NPAS3: variants seen among roughly 807,000 people sequenced by gnomAD.
NPAS3 encodes neuronal PAS domain protein 3.
In NPAS3, 14 loss-of-function variants were observed where a neutral mutation model predicts 73.1. The ratio of observed to expected loss-of-function variants is 0.19; its 90% CI spans 0.13 to 0.30. NPAS3 has a LOEUF of 0.30. Ranked by LOEUF, NPAS3 falls within the 10% of genes least tolerant of loss-of-function variation. The probability of loss-of-function intolerance (pLI) is 1.00; values close to 1 mark genes in which losing one functional copy is unlikely to be tolerated. For missense variants in NPAS3, 1,096 were observed against 1,250.0 expected, an observed-to-expected ratio of 0.88 and a Z score of 1.86; for synonymous variants, 620 against 541.5, an observed-to-expected ratio of 1.14 and a Z score of -2.01.
intron 3 of NPAS3, among the ~76,000 whole-genome samples, chr14:33,359,645 C>T (rs1298193029): frequency 6.6e-6 from 1 of 152,134 alleles, no homozygotes; most frequent in Non-Finnish European, 1.5e-5. Context: ...AAATCTAACC[C>T]TTATTAAAAA....
intron 1 of NPAS3, among the ~76,000 whole-genome samples, chr14:32,945,633 C>G (rs975058319): frequency 1.3e-5 from 2 of 152,264 alleles, no homozygotes; most frequent in African/African-American, 4.8e-5. Context: ...TTCAGACTTT[C>G]CAAACTCAGA....
chr14:33,082,378 C>T (rs1453761394), intron 2 of NPAS3, among the ~76,000 whole-genome samples: 1 of 152,162 alleles, frequency 6.6e-6, no homozygotes, highest in Admixed American at 6.5e-5. Context: ...TTTGAAAATT[C>T]AGGTTTTCTG....
intron 6 of NPAS3, among the ~76,000 whole-genome samples, chr14:33,689,703 C>A (rs1452522556): frequency 6.6e-6 from 1 of 152,158 alleles, no homozygotes; most frequent in Non-Finnish European, 1.5e-5. Context: ...TGATAATTTA[C>A]CTCTCCCTAA....
chr14:33,128,707 C>G (rs2043523764), intron 2 of NPAS3, among the ~76,000 whole-genome samples: 1 of 152,094 alleles, frequency 6.6e-6, no homozygotes, highest in Non-Finnish European at 1.5e-5. Context: ...ATACTCAATA[C>G]ATATTTGAAA....
At chr14:32,977,114 C>T (rs918638946) in intron 1 of NPAS3, among the ~76,000 whole-genome samples, 1 of 143,656 alleles carries the variant, frequency 7.0e-6, no homozygotes, top group Non-Finnish European at 1.5e-5. Context: ...TTAAAAGATA[C>T]TTTTAGATTG....
chr14:33,333,616 A>C (rs1217885330), intron 3 of NPAS3, among the ~76,000 whole-genome samples: 3 of 152,172 alleles, frequency 2.0e-5, no homozygotes. Flanking sequence ...CATTGCATTT[A>C]GTATGGAAGA....
chr14:33,464,225 A>G (rs1370799197), intron 4 of NPAS3, among the ~76,000 whole-genome samples: 2 of 152,146 alleles, frequency 1.3e-5, no homozygotes, highest in Non-Finnish European at 2.9e-5. Context: ...ACAAATCTAC[A>G]TGTTGGCCCC....
intron 3 of NPAS3, among the ~76,000 whole-genome samples, chr14:33,339,633 T>C (rs1421127483): frequency 6.6e-6 from 1 of 152,192 alleles, no homozygotes; most frequent in Non-Finnish European, 1.5e-5. Flanking sequence ...AGAAAAAGTA[T>C]GGATGGCTGC....
exon 9 of NPAS3, chr14:33,778,503 G>A (rs184170938): frequency 2.7e-4 from 430 of 1,613,722 alleles, no homozygotes; most frequent in Non-Finnish European, 3.3e-4. Flanking sequence ...TGTAGATATC[G>A]TAGGGAAGAG....
At chr14:33,399,085 C>T (rs538022661) in intron 4 of NPAS3, among the ~76,000 whole-genome samples, 2 of 152,100 alleles carry the variant, frequency 1.3e-5, no homozygotes, top group East Asian at 3.9e-4. Flanking sequence ...GTTATGAACC[C>T]AAAGGACACA....
At chr14:33,081,655 A>G (rs2041867206) in intron 2 of NPAS3, among the ~76,000 whole-genome samples, 1 of 152,214 alleles carries the variant, frequency 6.6e-6, no homozygotes, top group Non-Finnish European at 1.5e-5. Context: ...TTTTGCATTC[A>G]TAATTTAAAC....
chr14:32,961,132 G>A (rs2036895458), intron 1 of NPAS3, among the ~76,000 whole-genome samples: 1 of 152,044 alleles, frequency 6.6e-6, no homozygotes, highest in South Asian at 2.1e-4. Context: ...ATGTGAATTC[G>A]GCTGGGTGTG....
At chr14:33,362,668 G>A (rs879001606) in intron 3 of NPAS3, among the ~76,000 whole-genome samples, 1 of 152,038 alleles carries the variant, frequency 6.6e-6, no homozygotes, top group Admixed American at 6.5e-5. Flanking sequence ...ATTCAGAGGG[G>A]AGCTATCAGG....
At chr14:33,460,840 T>C (rs2050229317) in intron 4 of NPAS3, among the ~76,000 whole-genome samples, 1 of 151,854 alleles carries the variant, frequency 6.6e-6, no homozygotes, top group Non-Finnish European at 1.5e-5. Context: ...AACCAGAGAG[T>C]GGGTCCAGGA....
chr14:33,705,427 T>C (rs2060630063), intron 6 of NPAS3, among the ~76,000 whole-genome samples: 2 of 152,226 alleles, frequency 1.3e-5, no homozygotes, highest in South Asian at 4.1e-4. Context: ...TGGCAGCCCA[T>C]AAATGACAAA....
chr14:33,660,538 A>T (rs1393312255), intron 5 of NPAS3, among the ~76,000 whole-genome samples: 6 of 152,216 alleles, frequency 3.9e-5, no homozygotes, highest in Non-Finnish European at 7.3e-5. Context: ...ATCAACAGTA[A>T]ATGTTTTGAA....
At chr14:33,481,354 G>A (rs2051317177) in intron 4 of NPAS3, among the ~76,000 whole-genome samples, 1 of 152,094 alleles carries the variant, frequency 6.6e-6, no homozygotes, top group Non-Finnish European at 1.5e-5. Context: ...GAACTGTTAA[G>A]GAACATTCAA....
intron 9 of NPAS3, among the ~76,000 whole-genome samples, chr14:33,779,473 C>G (rs1314174543): frequency 6.6e-6 from 1 of 152,196 alleles, no homozygotes; most frequent in Non-Finnish European, 1.5e-5. Context: ...GCTTCTAACC[C>G]CAGTTCAGAC....
chr14:33,459,867 C>T (rs1262390508), intron 4 of NPAS3, among the ~76,000 whole-genome samples: 1 of 149,112 alleles, frequency 6.7e-6, no homozygotes, highest in Admixed American at 6.6e-5. Context: ...TATAATAATC[C>T]GTTCTCTTCT....
Sources: gnomAD v4.1 joint callset for allele counts (sites outside exome capture counted in the v4.1 genomes callset) on GRCh38, gnomAD v4.1.1 for gene constraint, MANE v1.5 for transcripts, NCBI Gene and HGNC (gene_info 2026-07-23, HGNC 2026-07-21) for gene names.